DLGAP2: variants seen among roughly 807,000 people sequenced by gnomAD.
The protein encoded by DLGAP2 is disks large-associated protein 2.
Under a neutral mutation model 100.3 loss-of-function variants are expected in DLGAP2, and 26 were observed. The ratio of observed to expected loss-of-function variants is 0.26; its 90% confidence interval spans 0.19 to 0.36. The LOEUF (loss-of-function observed/expected upper bound fraction) is 0.36, where lower values mean the gene tolerates loss of function less well. DLGAP2 is among the 10% of genes least tolerant of loss of function. The pLI, the probability that DLGAP2 is intolerant of heterozygous loss-of-function variation, is 1.00. For synonymous variants in DLGAP2, 886 were observed against 630.1 expected (o/e 1.41, Z -6.08); for missense variants, 1,858 against 1,453.2 (o/e 1.28, Z -4.53).
In DLGAP2 at chr8:1,040,380, CCGTGGTCAGCTCGGTGTG is replaced by C. The variant is rs1238131028; in HGVS notation, c.73+132422_73+132439del. 2.8e-3 allele frequency among the ~76,000 whole-genome samples: 296 copies of C among 106,568 alleles called. 2 individuals are homozygous for C. The highest frequency in any genetic ancestry group is 9.8e-3 in the African/African-American group (280 of 28,660). 69.9% of individuals were successfully genotyped at this position (106,568 alleles called of 152,430 possible). Reference sequence around the variant, plus strand: ...TCAGTGTGCGTGGTCAGCTTGGTTTCCGTGGTCAGCTCGGTGTGCGTGGTCGGCTCGGTGTGCGTGGTC... The same window carrying C: ...TCAGTGTGCGTGGTCAGCTTGGTTTCCGTGGTCGGCTCGGTGTGCGTGGTC... On this transcript the variant is annotated intron_variant, in intron 2 of 14. Coordinates refer to ENST00000637795, the MANE Select transcript of DLGAP2 (RefSeq NM_001346810.2).
chr8:1,624,930 G>A (rs894103198), intron 6 of DLGAP2, among the ~76,000 whole-genome samples: 1 of 151,764 alleles, frequency 6.6e-6, no homozygotes, highest in Non-Finnish European at 1.5e-5. Flanking sequence ...GTAGGTAGGA[G>A]CTGCTATATG....
chr8:1,037,596 C>T (rs926277696), intron 2 of DLGAP2, among the ~76,000 whole-genome samples: 15 of 152,316 alleles, frequency 9.8e-5, no homozygotes, highest in Middle Eastern at 3.4e-3. Context: ...GTTAATTTTA[C>T]GCTTTTGTTC....
chr8:1,528,136 G>A (rs1022605741), intron 4 of DLGAP2, among the ~76,000 whole-genome samples: 10 of 152,296 alleles, frequency 6.6e-5, no homozygotes, highest in East Asian at 3.9e-4. Flanking sequence ...CCACCCCGTC[G>A]GACGCAGCGA....
intron 2 of DLGAP2, among the ~76,000 whole-genome samples, chr8:1,040,491 T>C (rs1435860913): frequency 6.7e-6 from 1 of 149,208 alleles, no homozygotes; most frequent in Non-Finnish European, 1.5e-5. Context: ...TCGGTTTCCG[T>C]GGTCGTCTCG....
At chr8:1,634,742 C>G (rs1336271434) in intron 8 of DLGAP2, among the ~76,000 whole-genome samples, 1 of 152,102 alleles carries the variant, frequency 6.6e-6, no homozygotes, top group Non-Finnish European at 1.5e-5. Flanking sequence ...ACAATCATTA[C>G]CTCGTAGAAA....
chr8:1,426,229 ACAGAGG>A (rs1280779593), intron 3 of DLGAP2, among the ~76,000 whole-genome samples: 1 of 152,214 alleles, frequency 6.6e-6, no homozygotes, highest in Admixed American at 6.5e-5. Flanking sequence ...AATGATGAGA[ACAGAGG>A]CAGATGTAAG....
At chr8:1,002,987 C>G (rs527993979) in intron 2 of DLGAP2, 1 of 152,264 alleles carries the variant, frequency 6.6e-6, no homozygotes, top group Non-Finnish European at 1.5e-5. Context: ...ATCTGGGACG[C>G]GAGCTCAAGT....
chr8:1,171,950 C>T lies in DLGAP2; in HGVS notation c.74-86901C>T, dbSNP rs541611521. Reference sequence around the variant, plus strand: ...TATGATGTTAGCTGTTTATTTTGCTCGTTAGTTGATGCAGTTTCTTCCTAG... The same window carrying T: ...TATGATGTTAGCTGTTTATTTTGCTTGTTAGTTGATGCAGTTTCTTCCTAG... On this transcript the variant is annotated intron_variant, in intron 2 of 14. Transcript: ENST00000637795. Among the ~76,000 whole-genome samples the T allele has an allele frequency of 3.3e-5, 5 of 152,062 alleles. No homozygotes were observed. In the South Asian group the frequency reaches 8.3e-4, roughly 25 times the overall value.
At chr8:1,527,044 C>G (rs909347682) in intron 4 of DLGAP2, among the ~76,000 whole-genome samples, 3 of 152,038 alleles carry the variant, frequency 2.0e-5, no homozygotes, top group African/African-American at 7.3e-5. Context: ...TTCACATGCC[C>G]TATCCAACCC....
chr8:906,182 G>C (rs140913206), intron 1 of DLGAP2, among the ~76,000 whole-genome samples: 28 of 152,360 alleles, frequency 1.8e-4, no homozygotes, highest in Non-Finnish European at 3.7e-4. Context: ...TGAGGGAAGA[G>C]ATCCCTTAGG....
chr8:1,202,113 C>G (rs1193525091), intron 2 of DLGAP2, among the ~76,000 whole-genome samples: 10 of 151,564 alleles, frequency 6.6e-5, no homozygotes, highest in Non-Finnish European at 1.3e-4. Flanking sequence ...TGTACAGCAT[C>G]TGTGTATCTG....
Position 1,168,801 on chromosome 8 carries a change from G to A in DLGAP2, c.74-90050G>A, listed in dbSNP as rs1039499128. 7.1e-3 allele frequency among the ~76,000 whole-genome samples: 890 copies of A among 125,458 alleles called. 45 individuals are homozygous for A. Among genetic ancestry groups the A allele is most frequent in the East Asian group, 0.054 (245 of 4,530 alleles). The allele number at this position is 125,458 out of a possible 152,430, so 82.3% of individuals were successfully genotyped here. ...TATTAGCCCTTTGTCAGATGAGTAG[G>A]TTGCGAAAATTTTCTCCCATGTTGT... is the stretch of plus-strand genomic sequence containing the variant. On this transcript the variant is annotated intron_variant, in intron 2 of 14. Coordinates refer to ENST00000637795, the MANE Select transcript of DLGAP2 (RefSeq NM_001346810.2).
chr8:1,412,813 C>A (rs977724450), intron 3 of DLGAP2, among the ~76,000 whole-genome samples: 2 of 152,372 alleles, frequency 1.3e-5, no homozygotes, highest in Non-Finnish European at 2.9e-5. Flanking sequence ...CAGCCCTCCC[C>A]AGCAGATGGC....
intron 2 of DLGAP2, among the ~76,000 whole-genome samples, chr8:994,305 A>G (rs986824870): frequency 6.2e-4 from 95 of 152,174 alleles, no homozygotes; most frequent in Admixed American, 7.8e-4. Context: ...GATTCAAGCG[A>G]TTCTCCTGCC....
At chr8:1,146,441 G>A (rs553186072) in intron 2 of DLGAP2, among the ~76,000 whole-genome samples, 1 of 152,294 alleles carries the variant, frequency 6.6e-6, no homozygotes, top group South Asian at 2.1e-4. Context: ...GATGATCAGA[G>A]GTTCTTACAT....
chr8:1,595,246 TC>T (rs1403845618), intron 6 of DLGAP2, among the ~76,000 whole-genome samples: 1 of 152,024 alleles, frequency 6.6e-6, no homozygotes, highest in African/African-American at 2.4e-5. Flanking sequence ...TTGCCATGTT[TC>T]CCAGGTTTTA....
chr8:1,194,237 C>A (rs1257097206), intron 2 of DLGAP2, among the ~76,000 whole-genome samples: 1 of 152,108 alleles, frequency 6.6e-6, no homozygotes, highest in Non-Finnish European at 1.5e-5. Flanking sequence ...AGGAGCTCAG[C>A]TGCTGGCAAG....
chr8:1,601,166 C>T (rs1478171397), intron 6 of DLGAP2, among the ~76,000 whole-genome samples: 1 of 152,252 alleles, frequency 6.6e-6, no homozygotes, highest in East Asian at 1.9e-4. Flanking sequence ...TAGAGGTCCA[C>T]TCCAGACCCT....
intron 6 of DLGAP2, among the ~76,000 whole-genome samples, chr8:1,578,165 T>C (rs1584948368): frequency 6.6e-6 from 1 of 152,334 alleles, no homozygotes; most frequent in East Asian, 1.9e-4. Flanking sequence ...ACAAAATCTT[T>C]TACGTTTCCA....
Sources: gnomAD v4.1 joint callset for allele counts (sites outside exome capture counted in the v4.1 genomes callset) on GRCh38, gnomAD v4.1.1 for gene constraint, MANE v1.5 for transcripts, NCBI Gene and HGNC (gene_info 2026-07-23, HGNC 2026-07-21) for gene names.